CEP152: variants seen among roughly 807,000 people sequenced by gnomAD.
CEP152 encodes the protein centrosomal protein 152.
CEP152 carries 132 observed loss-of-function variants against 188.9 expected under a neutral mutation model. The observed-to-expected ratio is 0.70, with a 90% CI of 0.61 to 0.81. The LOEUF is 0.81. Ranked by LOEUF, CEP152 falls within the 30% of genes least tolerant of loss-of-function variation. The probability of loss-of-function intolerance (pLI) is 0.00; values close to 1 mark genes in which losing one functional copy is unlikely to be tolerated. For synonymous variants in CEP152, 649 were observed against 666.6 expected (o/e 0.97, Z 0.41); for missense variants, 1,914 against 1,969.8 (o/e 0.97, Z 0.54).
Position 48,730,857 on chromosome 15 carries a change from C to T in CEP152, c.142+10774G>A, listed in dbSNP as rs117949663. Among the ~76,000 whole-genome samples the T allele has an allele frequency of 5.7e-4, 87 of 152,172 alleles. 2 individuals carry two copies. The East Asian group carries it at 0.014, about 25-fold the overall frequency. On this transcript the variant is annotated intron_variant and NMD_transcript_variant, in intron 2 of 3. Coordinates refer to the CEP152 transcript ENST00000561245. ...AAACAACACAACAATAATAATAAAC[C>T]AGCAATAACAACCCCCAGGGGAACA... is the stretch of plus-strand genomic sequence containing the variant.
intron 6 of CEP152, among the ~76,000 whole-genome samples, chr15:48,794,046 G>C (rs1199739999): frequency 6.6e-6 from 1 of 152,022 alleles, no homozygotes; most frequent in African/African-American, 2.4e-5. Flanking sequence ...AAGAATTTTG[G>C]GGAGGGAGCA....
rs1354860595 is a variant in CEP152, at chr15:48,762,671, AT to A, written c.2281del (p.Ile761SerfsTer21). ...TEKEQQTQEK[I>X]KEKLIQQLEK... ...AAGCTGTTGAATGAGTTTTTCTTTGATCTGTTTTCAGAAGAAAAATCATACG... is the reference window on the plus strand; with the variant it reads ...AAGCTGTTGAATGAGTTTTTCTTTGACTGTTTTCAGAAGAAAAATCATACG... On this transcript the variant is annotated frameshift_variant and splice_region_variant, in exon 18 of 27. Transcript: ENST00000380950. LOFTEE classifies it high-confidence loss of function. 1 of 1,613,212 alleles carries A rather than the reference AT, an allele frequency of 6.2e-7. No individual in the cohort carries two copies. The highest frequency in any genetic ancestry group is 2.2e-5 in the East Asian group (1 of 44,854).
Position 48,776,582 on chromosome 15 carries a change from T to C in CEP152, c.1578-3891A>G, listed in dbSNP as rs367902244. ...TGCTTATAACAATGATATTGCATTA[T>C]TTATAAGTAAAACTTTTAAACAGCG... On this transcript the variant is annotated intron_variant, in intron 12 of 26. Coordinates refer to ENST00000380950, the MANE Select transcript of CEP152 (RefSeq NM_001194998.2). 9.1e-4 allele frequency among the ~76,000 whole-genome samples: 138 copies of C among 152,270 alleles called. 2 individuals carry two copies. In the South Asian group the frequency reaches 0.027, roughly 30 times the overall value.
Position 48,777,978 on chromosome 15 carries a change from A to C in CEP152, c.1577+3218T>G, listed in dbSNP as rs537015756. Among the ~76,000 whole-genome samples the C allele has an allele frequency of 4.6e-5, 7 of 152,342 alleles. No individual in the cohort carries two copies. The South Asian group carries it at 1.0e-3, about 23-fold the overall frequency. ...AAAGGCTCACTACTGAGTCCCATGG[A>C]AGTCAGTTCTCCTAAATCCAAATAA... On this transcript the variant is annotated intron_variant, in intron 12 of 26. Coordinates refer to ENST00000380950, the MANE Select transcript of CEP152 (RefSeq NM_001194998.2).
At chr15:48,760,086 G>C (rs1894565312) in intron 19 of CEP152, 49 bp downstream of exon 19, 1 of 1,612,086 alleles carries the variant, frequency 6.2e-7, no homozygotes, top group Admixed American at 1.7e-5. Context: ...ATAAGAGAAG[G>C]GGTCAGGTAA....
At chr15:48,730,291 G>A (rs567748058) in intron 2 of CEP152, among the ~76,000 whole-genome samples, 2 of 152,312 alleles carry the variant, frequency 1.3e-5, no homozygotes, top group East Asian at 3.9e-4. Context: ...AGTAGGGTTA[G>A]TTAAAAACAG....
chr15:48,738,308 C>T lies in CEP152; in HGVS notation c.5074G>A (p.Val1692Ile). Reference sequence around the variant, plus strand: ...CTATCTTGTTGGCTAGATAGCGGAACAATTAATTTTCTTGAAGGCTGCTGA... The same window carrying T: ...CTATCTTGTTGGCTAGATAGCGGAATAATTAATTTTCTTGAAGGCTGCTGA... The part of the protein sequence containing the change: ...VCQQPSRKLI[V>I]PLSSQQDSGF... The change falls in exon 27 of 27, where the codon GTT (valine) becomes ATT (isoleucine). Residue 1692 changes from valine to isoleucine, a missense_variant. Coordinates refer to ENST00000380950, the MANE Select transcript of CEP152 (RefSeq NM_001194998.2). 6.2e-7 allele frequency: 1 copy of T among 1,613,952 alleles called. No individual in the cohort carries two copies. Among genetic ancestry groups the T allele is most frequent in the South Asian group, 1.1e-5 (1 of 91,070 alleles).
downstream of CEP152, chr15:48,737,882 A>T (rs1462247293): frequency 5.7e-6 from 1 of 176,640 alleles, no homozygotes; most frequent in African/African-American, 2.4e-5. Flanking sequence ...AATTTCAAAC[A>T]TGATGCCAAT....
chr15:48,754,752 C>T (rs956585093), intron 20 of CEP152, among the ~76,000 whole-genome samples: 7 of 152,184 alleles, frequency 4.6e-5, no homozygotes, highest in African/African-American at 1.4e-4. Context: ...CTGTGCCATG[C>T]ATATCCTACC....
chr15:48,782,231 C>G lies in CEP152; in HGVS notation c.1322-1G>C, dbSNP rs746795974. The G allele has an allele frequency of 3.7e-6, 6 of 1,613,480 alleles. No homozygotes were observed. The African/African-American group carries it at 8.0e-5, about 22-fold the overall frequency. On this transcript the variant is annotated splice_acceptor_variant, in intron 10 of 26. Transcript: ENST00000380950. LOFTEE classifies it high-confidence loss of function. ...AGCTGAGCCACCTCTTGTACTGACC[C>G]TGCAGAGGAAAGAACCATAGGATAT... is the stretch of plus-strand genomic sequence containing the variant.
intron 19 of CEP152, 48 bp downstream of exon 19, chr15:48,760,087 G>T: frequency 6.2e-7 from 1 of 1,611,970 alleles, no homozygotes; most frequent in Non-Finnish European, 8.5e-7. Flanking sequence ...TAAGAGAAGG[G>T]GTCAGGTAAG....
At chr15:48,781,788 G>T (rs1299246762) in intron 11 of CEP152, among the ~76,000 whole-genome samples, 1 of 152,152 alleles carries the variant, frequency 6.6e-6, no homozygotes, top group Non-Finnish European at 1.5e-5. Context: ...CCCTCCAGTG[G>T]AAAATGTAAA....
chr15:48,803,810 T>C (rs1336871357), intron 2 of CEP152, among the ~76,000 whole-genome samples: 1 of 152,162 alleles, frequency 6.6e-6, no homozygotes, highest in Non-Finnish European at 1.5e-5. Flanking sequence ...CAATGAAAAA[T>C]CACCTGTCAA....
chr15:48,793,286 G>C, intron 7 of CEP152, 35 bp downstream of exon 7: 1 of 1,611,114 alleles, frequency 6.2e-7, no homozygotes, highest in Admixed American at 1.7e-5. Context: ...ATCTAACTCA[G>C]TGTACCTCAT....
rs1000525033 is a variant in CEP152 at position 48,798,166 on chromosome 15, C to T, written c.88-115G>A. On this transcript the variant is annotated intron_variant, in intron 2 of 26. Coordinates refer to ENST00000380950, the MANE Select transcript of CEP152 (RefSeq NM_001194998.2). ...AGAGGTCAAAGAAGTTCATAATTCC[C>T]TCCTTTAATTAACTTCTTAAGTTCC... 3 of 749,856 alleles carry T rather than the reference C, an allele frequency of 4.0e-6. No individual in the cohort carries two copies. The African/African-American group carries it at 5.2e-5, about 13-fold the overall frequency. 46.5% of individuals were successfully genotyped at this position (749,856 alleles called of 1,614,324 possible). A position where few individuals can be genotyped will look rare whatever the true frequency, so the allele number is the denominator to read the frequency against.
At chr15:48,783,036 C>G (rs193249076) in intron 10 of CEP152, among the ~76,000 whole-genome samples, 5 of 152,148 alleles carry the variant, frequency 3.3e-5, no homozygotes, top group Admixed American at 3.3e-4. Flanking sequence ...TTTGAATAGC[C>G]CACCCTTTCA....
At chr15:48,737,395 T>A (rs1248273372), downstream of CEP152, among the ~76,000 whole-genome samples, 1 of 152,216 alleles carries the variant, frequency 6.6e-6, no homozygotes, top group Non-Finnish European at 1.5e-5. Context: ...CAATGATATT[T>A]AGGTAGTCAT....
chr15:48,752,567 C>T lies in CEP152; in HGVS notation c.3346-98G>A, dbSNP rs1893955792. 2.6e-6 allele frequency: 4 copies of T among 1,509,820 alleles called. No individual in the cohort carries two copies. In the African/African-American group the frequency reaches 4.2e-5, roughly 16 times the overall value. 93.5% of individuals were successfully genotyped at this position (1,509,820 alleles called of 1,614,324 possible). ...TTAAAAATACAAAGAGAAAACACTA[C>T]CTGAAAAAAATCTTGCCTGAACTAT... On this transcript the variant is annotated intron_variant, in intron 20 of 26. Transcript: ENST00000380950.
At position 48,752,341 on chromosome 15, in the gene CEP152, C is replaced by T. The variant is rs2306187; in HGVS notation, c.3466+8G>A. ...CTACAAAGACTGGTGGGAACAAAAT[C>T]CAATTACCAGCTTCTGCTTCTGTTG... is the stretch of plus-strand genomic sequence containing the variant. On this transcript the variant is annotated splice_region_variant and intron_variant, in intron 21 of 26. Transcript: ENST00000380950. 3.7e-6 allele frequency: 6 copies of T among 1,613,708 alleles called. No individual in the cohort carries two copies. Among genetic ancestry groups the T allele is most frequent in the South Asian group, 1.1e-5 (1 of 91,078 alleles).
Sources: allele counts gnomAD v4.1 joint callset (sites outside exome capture counted in the v4.1 genomes callset), GRCh38; gene constraint gnomAD v4.1.1; transcripts MANE v1.5; gene names NCBI Gene and HGNC (gene_info 2026-07-23, HGNC 2026-07-21).